BACH1: variants seen among roughly 807,000 people sequenced by gnomAD.
BACH1 encodes transcription regulator protein BACH1.
In BACH1, 35 loss-of-function variants were observed where a neutral mutation model predicts 52.9. That is an observed-to-expected ratio of 0.66 (90% CI 0.51 to 0.88). The LOEUF is 0.88. Among genes scored for constraint, BACH1 ranks in the 40% least tolerant of loss-of-function variants. The probability of loss-of-function intolerance (pLI) is 0.00; values close to 1 mark genes in which losing one functional copy is unlikely to be tolerated. For synonymous variants in BACH1, 321 were observed against 319.6 expected, an observed-to-expected ratio of 1.00 and a Z score of -0.05; for missense variants, 808 against 872.6, an observed-to-expected ratio of 0.93 and a Z score of 0.93.
chr21:29,349,817 G>A (rs1451051904), downstream of BACH1, among the ~76,000 whole-genome samples: 1 of 146,814 alleles, frequency 6.8e-6, no homozygotes, highest in Non-Finnish European at 1.5e-5. Context: ...TTCAAAACAG[G>A]TGGTGCAAAT....
intron 1 of BACH1, among the ~76,000 whole-genome samples, chr21:29,310,252 C>T (rs1422839125): frequency 6.6e-6 from 1 of 152,164 alleles, no homozygotes; most frequent in Non-Finnish European, 1.5e-5. Context: ...ATCTTTTTAA[C>T]CAAGGCACAT....
chr21:29,330,831 T>G (rs917155955), intron 4 of BACH1, among the ~76,000 whole-genome samples: 3 of 151,820 alleles, frequency 2.0e-5, no homozygotes, highest in African/African-American at 7.3e-5. Flanking sequence ...AAATTATTAT[T>G]TATATATTGT....
At position 29,341,175 on chromosome 21, in the gene BACH1, A is replaced by G. The variant is rs1439677706; in HGVS notation, c.1777-1224A>G. ...TATAAAACCATAACAATACTTTTGTATAAAGCAAAATTCGTTTTACCCTTT... is the reference window on the plus strand; with the variant it reads ...TATAAAACCATAACAATACTTTTGTGTAAAGCAAAATTCGTTTTACCCTTT... On this transcript the variant is annotated intron_variant, in intron 4 of 4. Coordinates refer to ENST00000286800, the MANE Select transcript of BACH1 (RefSeq NM_001186.4). Among the ~76,000 whole-genome samples the G allele has an allele frequency of 3.3e-5, 5 of 152,214 alleles. No individual in the cohort carries two copies. The East Asian group carries it at 9.6e-4, about 29-fold the overall frequency.
intron 1 of BACH1, among the ~76,000 whole-genome samples, chr21:29,317,981 G>A (rs186147512): frequency 2.0e-4 from 30 of 152,222 alleles, no homozygotes; most frequent in Non-Finnish European, 2.8e-4. Context: ...TGTAAATTCT[G>A]AGACTCTAAA....
intron 4 of BACH1, among the ~76,000 whole-genome samples, chr21:29,334,736 T>A (rs745987460): frequency 3.3e-5 from 5 of 152,230 alleles, no homozygotes; most frequent in Non-Finnish European, 7.3e-5. Context: ...TCAGACACCA[T>A]TTTATTTCAT....
At chr21:29,333,983 T>G (rs910634937) in intron 4 of BACH1, among the ~76,000 whole-genome samples, 1 of 152,226 alleles carries the variant, frequency 6.6e-6, no homozygotes, top group African/African-American at 2.4e-5. Flanking sequence ...GCATTTATTT[T>G]GAATTTTATA....
intron 1 of BACH1, among the ~76,000 whole-genome samples, chr21:29,312,351 G>A (rs1018807602): frequency 3.2e-4 from 48 of 152,068 alleles, no homozygotes; most frequent in Non-Finnish European, 1.8e-4. Flanking sequence ...ATTTAGTGGC[G>A]AAATACTTAA....
chr21:29,325,990 ACTT>A, intron 2 of BACH1, 66 bp from the exon 3 acceptor site: 1 of 1,417,932 alleles, frequency 7.1e-7, no homozygotes, highest in Non-Finnish European at 9.5e-7. Flanking sequence ...TTCCTCTTCT[ACTT>A]ATTTTGTTTT....
At chr21:29,302,681 A>G (rs1034148557) in intron 1 of BACH1, among the ~76,000 whole-genome samples, 2 of 152,204 alleles carry the variant, frequency 1.3e-5, no homozygotes, top group African/African-American at 4.8e-5. Context: ...AAGAAACATC[A>G]AGTGTTAGGT....
chr21:29,312,161 A>G (rs2088731297), intron 1 of BACH1, among the ~76,000 whole-genome samples: 1 of 152,160 alleles, frequency 6.6e-6, no homozygotes, highest in Non-Finnish European at 1.5e-5. Context: ...AGCATTTAGA[A>G]AGTGGTGTAG....
At chr21:29,359,223 C>T (rs181833426) in intron 2 of BACH1, 2 of 152,042 alleles carry the variant, frequency 1.3e-5, no homozygotes, top group Admixed American at 1.3e-4. Context: ...TGACACTGTA[C>T]TCGGCTCTTT....
chr21:29,332,857 CAA>C (rs998650036), intron 4 of BACH1, among the ~76,000 whole-genome samples: 6 of 152,218 alleles, frequency 3.9e-5, no homozygotes, highest in African/African-American at 1.4e-4. Context: ...ATAGAAGAGT[CAA>C]GACCCTCCTT....
intron 2 of BACH1, among the ~76,000 whole-genome samples, chr21:29,325,761 A>G (rs1389901967): frequency 2.0e-4 from 30 of 151,838 alleles, no homozygotes; most frequent in Admixed American, 2.0e-3. Flanking sequence ...TTTTTTCACT[A>G]TCATGGGAAA....
intron 1 of BACH1, among the ~76,000 whole-genome samples, chr21:29,315,623 A>C (rs546102200): frequency 6.6e-6 from 1 of 152,280 alleles, no homozygotes; most frequent in Non-Finnish European, 1.5e-5. Flanking sequence ...CTTGTGGCCA[A>C]CCACACACAC....
intron 4 of BACH1, among the ~76,000 whole-genome samples, chr21:29,341,989 C>T (rs1268444735): frequency 6.6e-6 from 1 of 152,164 alleles, no homozygotes; most frequent in African/African-American, 2.4e-5. Context: ...GCTCCAAAAA[C>T]CGTATGTTTG....
At chr21:29,346,156 G>C (rs994242371), downstream of BACH1, 16 of 152,238 alleles carry the variant, frequency 1.1e-4, no homozygotes, top group East Asian at 2.7e-3. Context: ...GAATAGAATT[G>C]TACATTCCAT....
intron 1 of BACH1, among the ~76,000 whole-genome samples, chr21:29,320,387 T>C (rs968338742): frequency 9.9e-5 from 15 of 152,160 alleles, no homozygotes; most frequent in African/African-American, 3.6e-4. Context: ...GTCTGAAAAA[T>C]ATAGATAAGC....
chr21:29,321,904 C>T (rs1167695597), intron 2 of BACH1, among the ~76,000 whole-genome samples: 5 of 151,848 alleles, frequency 3.3e-5, no homozygotes, highest in South Asian at 2.1e-4. Flanking sequence ...GTTCTCGTGG[C>T]GCTAATAAAG....
At chr21:29,329,426 C>T (rs1434740265) in intron 3 of BACH1, 61 bp from the exon 4 acceptor site, 1 of 1,329,272 alleles carries the variant, frequency 7.5e-7, no homozygotes, top group South Asian at 1.8e-5. Context: ...CTTCATCTTC[C>T]TAGGTTTGAC....
Sources: gnomAD v4.1 joint callset for allele counts (sites outside exome capture counted in the v4.1 genomes callset) on GRCh38, gnomAD v4.1.1 for gene constraint, MANE v1.5 for transcripts, NCBI Gene and HGNC (gene_info 2026-07-23, HGNC 2026-07-21) for gene names.